Variants in GNA14 observed in about 807,000 individuals in gnomAD.
The protein encoded by GNA14 is G protein subunit alpha 14.
A neutral mutation model predicts 42.0 loss-of-function variants in GNA14; 50 were observed. The observed-to-expected ratio is 1.19, with a 90% CI of 0.95 to 1.51. GNA14 has a LOEUF of 1.51. Ranked by LOEUF, GNA14 falls within the 40% of genes most tolerant of loss-of-function variation. GNA14 has a pLI of 0.00. For synonymous variants in GNA14, 173 were observed against 163.1 expected (o/e 1.06, Z -0.46); for missense variants, 473 against 446.2 (o/e 1.06, Z -0.54).
At chr9:77,486,930 T>C (rs955352709) in intron 2 of GNA14, among the ~76,000 whole-genome samples, 1 of 151,776 alleles carries the variant, frequency 6.6e-6, no homozygotes, top group Non-Finnish European at 1.5e-5. Flanking sequence ...ATCAAAACTT[T>C]CCAGAGACAT....
At chr9:77,578,141 T>G (rs998114887) in intron 1 of GNA14, among the ~76,000 whole-genome samples, 1 of 152,122 alleles carries the variant, frequency 6.6e-6, no homozygotes, top group Admixed American at 6.5e-5. Context: ...CTGGGCGTGG[T>G]GGCACACACC....
At chr9:77,529,370 G>T in intron 1 of GNA14, 117 bp from the exon 2 acceptor site, 1 of 817,556 alleles carries the variant, frequency 1.2e-6, no homozygotes, top group Non-Finnish European at 2.1e-6. Flanking sequence ...TGATGGGTTG[G>T]ATTTGGAAGG....
Position 77,623,216 on chromosome 9 carries a change from C to CAAAA in GNA14, c.124+24450_124+24453dup, listed in dbSNP as rs34368561. On this transcript the variant is annotated intron_variant, in intron 1 of 6. Transcript: ENST00000341700. ...TGGGCAAAAGAGTGAGACGCTGTCT[C>CAAAA]AAAAAAAAAAAAAAAAAAAAAAAAA... is the stretch of plus-strand genomic sequence containing the variant. 3.8e-3 allele frequency among the ~76,000 whole-genome samples: 101 copies of CAAAA among 26,832 alleles called. 21 individuals are homozygous for CAAAA. Among genetic ancestry groups the CAAAA allele is most frequent in the East Asian group, 0.014 (6 of 414 alleles). The allele number at this position is 26,832 out of a possible 152,430, so 17.6% of individuals were successfully genotyped here. A position where few individuals can be genotyped will look rare whatever the true frequency, so the allele number is the denominator to read the frequency against.
intron 5 of GNA14, among the ~76,000 whole-genome samples, chr9:77,428,359 G>A (rs533650504): frequency 5.3e-5 from 8 of 152,182 alleles, no homozygotes; most frequent in African/African-American, 9.6e-5. Context: ...GATTACAGGC[G>A]TGAGCCACCG....
Position 77,513,296 on chromosome 9 carries a change from G to A in GNA14, c.309+15773C>T, listed in dbSNP as rs566764492. ...AATAGTTAGCAGCTCTGCCTGGGAC[G>A]TCAGGCCTCCTGGGCTCAGTTTCCC... On this transcript the variant is annotated intron_variant, in intron 2 of 6. Coordinates refer to ENST00000341700, the MANE Select transcript of GNA14 (RefSeq NM_004297.4). 4.8e-4 allele frequency among the ~76,000 whole-genome samples: 73 copies of A among 152,326 alleles called. 1 individual carries two copies. Among genetic ancestry groups the A allele is most frequent in the African/African-American group, 1.6e-3 (66 of 41,560 alleles).
chr9:77,608,439 T>C (rs1376539787), intron 1 of GNA14, among the ~76,000 whole-genome samples: 2 of 152,212 alleles, frequency 1.3e-5, no homozygotes, highest in African/African-American at 2.4e-5. Flanking sequence ...AGTTCTTCCC[T>C]GTGAGAGCCC....
At chr9:77,499,798 C>T (rs1024161041) in intron 2 of GNA14, among the ~76,000 whole-genome samples, 11 of 151,658 alleles carry the variant, frequency 7.3e-5, no homozygotes, top group African/African-American at 9.7e-5. Context: ...TGCAGTGGGC[C>T]GAGATCATGC....
intron 1 of GNA14, among the ~76,000 whole-genome samples, chr9:77,599,193 G>A (rs569067485): frequency 5.3e-5 from 8 of 152,314 alleles, no homozygotes; most frequent in Non-Finnish European, 8.8e-5. Flanking sequence ...CAGATGTAAA[G>A]TAAGGAAACA....
At chr9:77,555,098 G>T (rs960343500) in intron 1 of GNA14, among the ~76,000 whole-genome samples, 1 of 152,014 alleles carries the variant, frequency 6.6e-6, no homozygotes, top group Admixed American at 6.6e-5. Flanking sequence ...GAATTACTGT[G>T]GTTTTATTAG....
Position 77,481,166 on chromosome 9 carries a change from G to C in GNA14, c.310-46644C>G, listed in dbSNP as rs976950439. Among the ~76,000 whole-genome samples the C allele has an allele frequency of 5.3e-5, 8 of 151,918 alleles. 1 individual carries two copies. The highest frequency in any genetic ancestry group is 1.2e-4 in the Non-Finnish European group (8 of 67,980). On this transcript the variant is annotated intron_variant, in intron 2 of 6. Transcript: ENST00000341700. ...AGGGTGTCAATTTTGGATCTTTCCT[G>C]CTTTCTCTTGTGGGCATTTAGTGCT... is the stretch of plus-strand genomic sequence containing the variant.
At chr9:77,480,523 T>C (rs1836524702) in intron 2 of GNA14, among the ~76,000 whole-genome samples, 1 of 152,170 alleles carries the variant, frequency 6.6e-6, no homozygotes, top group South Asian at 2.1e-4. Flanking sequence ...TTTGGTTGTG[T>C]CTCTGCCAGG....
At chr9:77,538,137 C>A (rs1280491421) in intron 1 of GNA14, among the ~76,000 whole-genome samples, 1 of 148,630 alleles carries the variant, frequency 6.7e-6, no homozygotes, top group Admixed American at 6.8e-5. Flanking sequence ...GAGGTACAAT[C>A]TTAGCTTACT....
chr9:77,548,199 G>C (rs1389076570), intron 1 of GNA14, among the ~76,000 whole-genome samples: 1 of 152,208 alleles, frequency 6.6e-6, no homozygotes, highest in Non-Finnish European at 1.5e-5. Flanking sequence ...CCCAGCTCCT[G>C]GTGGTTGTGG....
intron 2 of GNA14, among the ~76,000 whole-genome samples, chr9:77,470,084 C>T (rs986975745): frequency 6.6e-6 from 1 of 152,128 alleles, no homozygotes; most frequent in Non-Finnish European, 1.5e-5. Context: ...TTTTGGACAG[C>T]AAGGAGTTAT....
intron 2 of GNA14, among the ~76,000 whole-genome samples, chr9:77,519,473 T>C (rs1564040384): frequency 6.6e-6 from 1 of 152,142 alleles, no homozygotes; most frequent in Non-Finnish European, 1.5e-5. Flanking sequence ...TTTGTTTATA[T>C]CGGATTAGTT....
At chr9:77,630,620 C>T (rs1824082680) in intron 1 of GNA14, among the ~76,000 whole-genome samples, 1 of 152,086 alleles carries the variant, frequency 6.6e-6, no homozygotes, top group African/African-American at 2.4e-5. Flanking sequence ...GAAACCTAAT[C>T]AAAGGATTAA....
chr9:77,629,145 T>G (rs1337702073), intron 1 of GNA14, among the ~76,000 whole-genome samples: 1 of 152,160 alleles, frequency 6.6e-6, no homozygotes, highest in Non-Finnish European at 1.5e-5. Context: ...TCACCACTGG[T>G]CATTAGAGAA....
intron 2 of GNA14, among the ~76,000 whole-genome samples, chr9:77,447,611 T>C: frequency 6.6e-6 from 1 of 151,616 alleles, no homozygotes; most frequent in Non-Finnish European, 1.5e-5. Context: ...CAGTCCATTA[T>C]GAGGTCATAG....
chr9:77,643,975 C>T (rs926810146), intron 1 of GNA14, among the ~76,000 whole-genome samples: 3 of 152,144 alleles, frequency 2.0e-5, no homozygotes, highest in African/African-American at 7.2e-5. Flanking sequence ...CCCAGGCAGA[C>T]TGGGCTAAGA....
Sources: gnomAD v4.1 joint callset for allele counts (sites outside exome capture counted in the v4.1 genomes callset) on GRCh38, gnomAD v4.1.1 for gene constraint, MANE v1.5 for transcripts, NCBI Gene and HGNC (gene_info 2026-07-23, HGNC 2026-07-21) for gene names.